Variants in RBBP4 observed in about 807,000 individuals in gnomAD.
RBBP4 encodes the protein histone-binding protein RBBP4.
In RBBP4, 3 loss-of-function variants were observed where a neutral mutation model predicts 57.2. That is an observed-to-expected ratio of 0.05 (90% CI 0.02 to 0.14). The LOEUF is 0.14. Among genes scored for constraint, RBBP4 ranks in the 10% least tolerant of loss-of-function variants. The probability of loss-of-function intolerance (pLI) is 1.00; values close to 1 mark genes in which losing one functional copy is unlikely to be tolerated. For synonymous variants in RBBP4, 151 were observed against 171.5 expected (o/e 0.88, Z 0.93); for missense variants, 107 against 520.6 (o/e 0.21, Z 7.73).
At position 32,668,415 on chromosome 1, in the gene RBBP4, A is replaced by G. The variant is rs1331429517; in HGVS notation, c.484+17A>G. ...CTAAACCAGGTATGTGCCCTTTTCTATTCAAATACAAATGAGTCACTATAG... is the reference window on the plus strand; with the variant it reads ...CTAAACCAGGTATGTGCCCTTTTCTGTTCAAATACAAATGAGTCACTATAG... On this transcript the variant is annotated intron_variant, in intron 4 of 11. Coordinates refer to ENST00000373493, the MANE Select transcript of RBBP4 (RefSeq NM_005610.3). The G allele has an allele frequency of 3.2e-6, 5 of 1,552,924 alleles. No homozygotes were observed. The highest frequency in any genetic ancestry group is 4.4e-6 in the Non-Finnish European group (5 of 1,129,914).
At chr1:32,674,980 G>A (rs563101688) in intron 11 of RBBP4, among the ~76,000 whole-genome samples, 5 of 151,722 alleles carry the variant, frequency 3.3e-5, no homozygotes, top group Admixed American at 2.6e-4. Flanking sequence ...CTCATGATCC[G>A]CCCTCTTTGG....
intron 3 of RBBP4, among the ~76,000 whole-genome samples, chr1:32,663,958 G>A (rs12407521): frequency 0.039 from 5,746 of 146,002 alleles, 220 homozygotes; most frequent in East Asian, 0.11. Flanking sequence ...ATGGAGTCTC[G>A]CTCTGTTGCC....
chr1:32,666,292 T>C (rs765161548), intron 3 of RBBP4, among the ~76,000 whole-genome samples: 6 of 152,242 alleles, frequency 3.9e-5, no homozygotes, highest in Middle Eastern at 3.2e-3. Flanking sequence ...GTACTTAATA[T>C]TCATTATAGT....
chr1:32,664,832 A>G (rs1648576426), intron 3 of RBBP4, among the ~76,000 whole-genome samples: 1 of 152,186 alleles, frequency 6.6e-6, no homozygotes, highest in Admixed American at 6.6e-5. Context: ...TCAGTTCCCA[A>G]TCACTGCAGT....
intron 3 of RBBP4, among the ~76,000 whole-genome samples, chr1:32,664,978 A>AAAT (rs946204769): frequency 2.2e-4 from 33 of 152,188 alleles, no homozygotes; most frequent in African/African-American, 2.9e-4. Flanking sequence ...TTGCTAAAAA[A>AAAT]AATAATAATA....
At chr1:32,672,753 A>C in intron 10 of RBBP4, 38 bp from the exon 11 acceptor site, 1 of 1,580,990 alleles carries the variant, frequency 6.3e-7, no homozygotes, top group Non-Finnish European at 8.6e-7. Flanking sequence ...AATGTCCTCT[A>C]TCTGCATTTC....
At position 32,669,950 on chromosome 1, in the gene RBBP4, G is replaced by A. The variant is rs750801115; in HGVS notation, c.966+387G>A. The stretch of plus-strand genomic sequence containing the variant: ...AGTGGGCACACATGTGCTTTATGCC[G>A]TTGCTAAAAATAGAAATCTATATGC... On this transcript the variant is annotated intron_variant, in intron 8 of 11. Coordinates refer to ENST00000373493, the MANE Select transcript of RBBP4 (RefSeq NM_005610.3). This position sits in a 1 kb window ranked among gnomAD's most constrained non-coding sequence, Gnocchi z 4.9. Among the ~76,000 whole-genome samples, 10 of 152,192 alleles carry A rather than the reference G, an allele frequency of 6.6e-5. No homozygotes were observed. Among genetic ancestry groups the A allele is most frequent in the Admixed American group, 1.3e-4 (2 of 15,266 alleles).
intron 3 of RBBP4, among the ~76,000 whole-genome samples, chr1:32,667,452 G>A (rs983450943): frequency 3.3e-5 from 5 of 151,960 alleles, no homozygotes; most frequent in South Asian, 2.1e-4. Flanking sequence ...TCCTTACCTC[G>A]CCCCCTTGTC....
At position 32,669,158 on chromosome 1, in the gene RBBP4, T is replaced by TAA. The variant is rs1648767838; in HGVS notation, c.761+28_761+29dup. On this transcript the variant is annotated intron_variant, in intron 6 of 11. Transcript: ENST00000373493. The surrounding 1 kb of genome is among the most constrained non-coding windows in gnomAD (Gnocchi z 4.9). ...GTGAGTAGAATCCATTCAGAGTTTCTAAATATCTTGTCTAAGTTTTATGTT... is the reference window on the plus strand; with the variant it reads ...GTGAGTAGAATCCATTCAGAGTTTCTAAAAATATCTTGTCTAAGTTTTATGTT... 6.2e-7 allele frequency: 1 copy of TAA among 1,612,930 alleles called. No individual in the cohort carries two copies. The highest frequency in any genetic ancestry group is 1.3e-5 in the African/African-American group (1 of 74,928).
intron 11 of RBBP4, among the ~76,000 whole-genome samples, chr1:32,674,087 C>T (rs968600870): frequency 4.6e-5 from 7 of 152,246 alleles, no homozygotes; most frequent in South Asian, 4.1e-4. Flanking sequence ...GGCGACAGAG[C>T]GAGACTCCGT....
chr1:32,651,648 C>T (rs1647685215), intron 1 of RBBP4: 4 of 751,902 alleles, frequency 5.3e-6, no homozygotes, highest in African/African-American at 1.8e-5. Context: ...GCCTCCTCGT[C>T]GGGCTTGTGA....
At chr1:32,657,888 T>C (rs1217766997) in intron 3 of RBBP4, among the ~76,000 whole-genome samples, 1 of 152,212 alleles carries the variant, frequency 6.6e-6, no homozygotes, top group Non-Finnish European at 1.5e-5. Flanking sequence ...AGTCTCGCTC[T>C]ATTGCCTAGG....
At chr1:32,665,995 G>A (rs405140) in intron 3 of RBBP4, among the ~76,000 whole-genome samples, 125,852 of 151,906 alleles carry the variant, frequency 0.83, 54,619 homozygotes, top group Non-Finnish European at 0.96. Flanking sequence ...TACTATAATG[G>A]TACTTGAGAG....
chr1:32,664,570 A>G (rs139342261), intron 3 of RBBP4, among the ~76,000 whole-genome samples: 67 of 152,154 alleles, frequency 4.4e-4, no homozygotes, highest in African/African-American at 1.6e-3. Context: ...CTCTTGCCTC[A>G]GTCTCCTGAG....
chr1:32,670,114 T>C (rs1036045951), intron 8 of RBBP4, among the ~76,000 whole-genome samples: 7 of 152,288 alleles, frequency 4.6e-5, no homozygotes, highest in Admixed American at 1.3e-4. Context: ...CCCAGCACTT[T>C]AGGAGGCTGA....
In RBBP4 at chr1:32,685,148, C is replaced by T. The variant is rs1649737755; in HGVS notation, c.*5443C>T. The T allele has an allele frequency of 6.6e-6, 1 of 152,216 alleles. No individual in the cohort carries two copies. Among genetic ancestry groups the T allele is most frequent in the Non-Finnish European group, 1.5e-5 (1 of 68,070 alleles). 9.4% of individuals were successfully genotyped at this position (152,216 alleles called of 1,614,324 possible). ...TACAGGTGTGAGCCACTGTGCCCAG[C>T]TTATCCTTTTTTCATTACACAAAAA... On this transcript the variant is annotated 3_prime_UTR_variant, in exon 12 of 12. Coordinates refer to ENST00000373493, the MANE Select transcript of RBBP4 (RefSeq NM_005610.3).
At chr1:32,664,106 T>C (rs187918648) in intron 3 of RBBP4, among the ~76,000 whole-genome samples, 1 of 152,086 alleles carries the variant, frequency 6.6e-6, no homozygotes, top group African/African-American at 2.4e-5. Context: ...TTTTTTGTAT[T>C]TTTATTAGAG....
intron 3 of RBBP4, among the ~76,000 whole-genome samples, chr1:32,661,138 C>G (rs1458183051): frequency 6.6e-6 from 1 of 152,096 alleles, no homozygotes; most frequent in East Asian, 1.9e-4. Flanking sequence ...ATTCAGTCAA[C>G]CATTGATGGA....
At chr1:32,657,743 AC>A in intron 3 of RBBP4, 171 bp downstream of exon 3, 1 of 689,478 alleles carries the variant, frequency 1.5e-6, no homozygotes, top group Non-Finnish European at 2.2e-6. Context: ...CAGAAGAAAT[AC>A]TTAACACATC....
Sources: gnomAD v4.1 joint callset for allele counts (sites outside exome capture counted in the v4.1 genomes callset) on GRCh38, gnomAD v4.1.1 for gene constraint, Gnocchi (gnomAD v3.1) non-coding constraint, MANE v1.5 for transcripts, NCBI Gene and HGNC (gene_info 2026-07-23, HGNC 2026-07-21) for gene names.